SH3BGR: variants seen among roughly 807,000 people sequenced by gnomAD.
SH3BGR encodes SH3 domain-binding glutamic acid-rich protein.
In SH3BGR, 29 loss-of-function variants were observed where a neutral mutation model predicts 24.5. The observed-to-expected ratio is 1.18, with a 90% CI of 0.88 to 1.61. The LOEUF (loss-of-function observed/expected upper bound fraction) is 1.61, where lower values mean the gene tolerates loss of function less well. Among genes scored for constraint, SH3BGR ranks in the 40% most tolerant of loss-of-function variants. SH3BGR has a pLI of 0.00. For missense variants in SH3BGR, 162 were observed against 205.8 expected (o/e 0.79, Z 1.30); for synonymous variants, 55 against 65.7 (o/e 0.84, Z 0.79).
At chr21:39,473,981 T>C (rs1240510593) in intron 2 of SH3BGR, among the ~76,000 whole-genome samples, 1 of 152,180 alleles carries the variant, frequency 6.6e-6, no homozygotes, top group Non-Finnish European at 1.5e-5. Flanking sequence ...TGTGGGTTTT[T>C]TTGTGAGTCA....
chr21:39,472,471 G>A (rs1043343192), intron 2 of SH3BGR, among the ~76,000 whole-genome samples: 19 of 152,298 alleles, frequency 1.2e-4, no homozygotes, highest in African/African-American at 4.1e-4. Context: ...GCTTTTTGGC[G>A]GAGACATTCA....
At position 39,515,087 on chromosome 21, in the gene SH3BGR, G is replaced by A. The variant is rs1355992324; in HGVS notation, c.*35-1G>A. 2 of 469,450 alleles carry A rather than the reference G, an allele frequency of 4.3e-6. No homozygotes were observed. Among genetic ancestry groups the A allele is most frequent in the East Asian group, 1.4e-4 (2 of 14,342 alleles). 29.1% of individuals were successfully genotyped at this position (469,450 alleles called of 1,614,324 possible). ...TCCCTAATATTTGCCTTTTCTTTTAGAAAATGGAAGCTATGAAGCAACATT... is the reference window on the plus strand; with the variant it reads ...TCCCTAATATTTGCCTTTTCTTTTAAAAAATGGAAGCTATGAAGCAACATT... On this transcript the variant is annotated splice_acceptor_variant, in intron 6 of 6. Coordinates refer to ENST00000333634, the MANE Select transcript of SH3BGR (RefSeq NM_007341.3). LOFTEE classifies it low-confidence loss of function (3UTR_SPLICE).
intron 2 of SH3BGR, among the ~76,000 whole-genome samples, chr21:39,473,405 A>C (rs532472499): frequency 6.6e-6 from 1 of 152,350 alleles, no homozygotes; most frequent in Non-Finnish European, 1.5e-5. Context: ...ATGATTAGTA[A>C]GTGTGTACTC....
intron 3 of SH3BGR, among the ~76,000 whole-genome samples, chr21:39,492,373 T>C (rs2078313605): frequency 6.6e-6 from 1 of 152,022 alleles, no homozygotes; most frequent in Non-Finnish European, 1.5e-5. Flanking sequence ...AGAATAATAG[T>C]CTCCAATTCC....
chr21:39,496,184 T>C (rs1471470015), intron 3 of SH3BGR, among the ~76,000 whole-genome samples: 3 of 152,198 alleles, frequency 2.0e-5, no homozygotes, highest in Non-Finnish European at 2.9e-5. Flanking sequence ...CTTATGTATA[T>C]AAGACATGGA....
upstream of SH3BGR, among the ~76,000 whole-genome samples, chr21:39,447,827 A>T (rs533484977): frequency 1.3e-5 from 2 of 152,200 alleles, no homozygotes; most frequent in East Asian, 3.8e-4. Context: ...CATAAAAAGC[A>T]TAGCCTTTAT....
intron 2 of SH3BGR, among the ~76,000 whole-genome samples, chr21:39,467,229 C>T (rs1047793668): frequency 6.6e-6 from 1 of 151,854 alleles, no homozygotes; most frequent in Non-Finnish European, 1.5e-5. Context: ...TCAAAGTCAT[C>T]TCTTATCCCA....
chr21:39,474,997 C>A, intron 2 of SH3BGR, 138 bp from the exon 3 acceptor site: 1 of 588,426 alleles, frequency 1.7e-6, no homozygotes, highest in Non-Finnish European at 3.0e-6. Context: ...GGTTAGTCAT[C>A]TTTGATAAAG....
At chr21:39,479,687 C>A (rs1003926757) in intron 3 of SH3BGR, among the ~76,000 whole-genome samples, 10 of 152,116 alleles carry the variant, frequency 6.6e-5, no homozygotes, top group Non-Finnish European at 5.9e-5. Flanking sequence ...TCTACAGAGA[C>A]AAAAACTGCT....
chr21:39,458,844 A>G (rs1324274139), intron 1 of SH3BGR, among the ~76,000 whole-genome samples: 2 of 143,476 alleles, frequency 1.4e-5, no homozygotes, highest in South Asian at 2.3e-4. Flanking sequence ...ACGAGGTTTT[A>G]CCATGTTGGC....
rs779655776 is a variant in SH3BGR at position 39,511,760 on chromosome 21, A to G, written c.516A>G (p.Glu172=). 6.2e-7 allele frequency: 1 copy of G among 1,613,068 alleles called. No homozygotes were observed. The highest frequency in any genetic ancestry group is 8.5e-7 in the Non-Finnish European group (1 of 1,179,656). The part of the protein sequence containing the change: ...EETAEGEEPG[E]DEDS ...CTGCAGAAGGAGAAGAGCCTGGAGAAGACGAAGATTCCTAGGCCTTTTCAT... is the reference window on the plus strand; with the variant it reads ...CTGCAGAAGGAGAAGAGCCTGGAGAGGACGAAGATTCCTAGGCCTTTTCAT... The change falls in exon 6 of 7, where the codon GAA becomes GAG. Residue 172 remains glutamate (E), a synonymous_variant. Transcript: ENST00000333634. The surrounding 1 kb of genome is among the most constrained non-coding windows in gnomAD (Gnocchi z 4.2).
chr21:39,483,260 AGT>A (rs1478173613), intron 3 of SH3BGR, among the ~76,000 whole-genome samples: 4 of 152,236 alleles, frequency 2.6e-5, no homozygotes. Flanking sequence ...CAGTGTGCAG[AGT>A]GTCCAGGATC....
chr21:39,471,909 T>C (rs1309369529), intron 2 of SH3BGR, among the ~76,000 whole-genome samples: 1 of 152,174 alleles, frequency 6.6e-6, no homozygotes, highest in Non-Finnish European at 1.5e-5. Context: ...TTTGCTTGAT[T>C]GTTCTCTCTA....
chr21:39,457,984 C>A (rs985583450), intron 1 of SH3BGR, among the ~76,000 whole-genome samples: 2 of 151,840 alleles, frequency 1.3e-5, no homozygotes, highest in Non-Finnish European at 2.9e-5. Flanking sequence ...AAAGAAACAC[C>A]CTAACACCCT....
upstream of SH3BGR, among the ~76,000 whole-genome samples, chr21:39,450,395 C>T (rs115026914): frequency 3.9e-3 from 591 of 152,234 alleles, 3 homozygotes; most frequent in African/African-American, 0.014. Context: ...GGCATTTAAG[C>T]GATATTCCAG....
rs776153545 is a variant in SH3BGR at position 39,475,263 on chromosome 21, T to G, written c.312+48T>G. The G allele has an allele frequency of 8.6e-6, 10 of 1,161,668 alleles. No individual in the cohort carries two copies. In the South Asian group the frequency reaches 9.8e-5, roughly 11 times the overall value. The allele number at this position is 1,161,668 out of a possible 1,614,324, so 72.0% of individuals were successfully genotyped here. On this transcript the variant is annotated intron_variant, in intron 3 of 6. Transcript: ENST00000333634. The stretch of plus-strand genomic sequence containing the variant: ...GGGGTTCAAAACAGGTAATACTAAA[T>G]GAAGGTAGAAATCACCGCATCCAAG...
chr21:39,460,929 A>C (rs1327137166), intron 1 of SH3BGR, among the ~76,000 whole-genome samples: 1 of 152,174 alleles, frequency 6.6e-6, no homozygotes, highest in African/African-American at 2.4e-5. Flanking sequence ...CTGGGATTAT[A>C]GGCGTGAGCC....
In SH3BGR at chr21:39,510,091, C is replaced by T. The variant is rs998373143; in HGVS notation, c.435+1064C>T. On this transcript the variant is annotated intron_variant, in intron 5 of 6. Coordinates refer to ENST00000333634, the MANE Select transcript of SH3BGR (RefSeq NM_007341.3). ...CCGAGTAGCTGGGACTACAGGCGCC[C>T]GCCACCGCGCCCGGCTAATTTTTTG... is the stretch of plus-strand genomic sequence containing the variant. 1.4e-4 allele frequency among the ~76,000 whole-genome samples: 21 copies of T among 145,330 alleles called. 1 individual carries two copies. Among genetic ancestry groups the T allele is most frequent in the African/African-American group, 4.8e-4 (18 of 37,258 alleles).
At chr21:39,454,136 G>A (rs2077617883) in intron 1 of SH3BGR, among the ~76,000 whole-genome samples, 1 of 152,092 alleles carries the variant, frequency 6.6e-6, no homozygotes, top group Admixed American at 6.5e-5. Flanking sequence ...TTATCCCTGC[G>A]ATGTCAGTGC....
Sources: allele counts gnomAD v4.1 joint callset (sites outside exome capture counted in the v4.1 genomes callset), GRCh38; gene constraint gnomAD v4.1.1; non-coding constraint Gnocchi (gnomAD v3.1); transcripts MANE v1.5; gene names NCBI Gene and HGNC (gene_info 2026-07-23, HGNC 2026-07-21).